RAPGEF2: variants seen among roughly 807,000 people sequenced by gnomAD.
The protein encoded by RAPGEF2 is PDZ domain containing guanine nucleotide exchange factor (GEF) 1.
A neutral mutation model predicts 186.7 loss-of-function variants in RAPGEF2; 54 were observed. The ratio of observed to expected loss-of-function variants is 0.29; its 90% CI spans 0.23 to 0.36. RAPGEF2 has a LOEUF of 0.36. RAPGEF2 is among the 10% of genes least tolerant of loss of function. The pLI is 1.00. For missense variants in RAPGEF2, 1,532 were observed against 2,045.0 expected (o/e 0.75, Z 4.84); for synonymous variants, 712 against 705.9 (o/e 1.01, Z -0.14).
rs752004301 is a variant in RAPGEF2 at position 159,358,168 on chromosome 4, G to A, written c.*29G>A. On this transcript the variant is annotated 3_prime_UTR_variant, in exon 30 of 30. Transcript: ENST00000691494. ...ACAGACTTTTCTGGAAGCAGAGCGA[G>A]CCACCTGAAAGGAGAGCACAAGAAG... 3.0e-5 allele frequency: 49 copies of A among 1,607,722 alleles called. No individual in the cohort carries two copies. The highest frequency in any genetic ancestry group is 4.0e-5 in the Non-Finnish European group (47 of 1,176,280).
chr4:159,350,423 G>A, intron 26 of RAPGEF2, 134 bp downstream of exon 26: 2 of 693,430 alleles, frequency 2.9e-6, no homozygotes. Flanking sequence ...ATGCCCAATG[G>A]ATTTTTTTTC....
intron 7 of RAPGEF2, among the ~76,000 whole-genome samples, chr4:159,302,524 T>A (rs2111039712): frequency 1.3e-5 from 2 of 152,170 alleles, no homozygotes; most frequent in African/African-American, 4.8e-5. Context: ...GAAGTGTAGC[T>A]AAGACGATGA....
intron 25 of RAPGEF2, among the ~76,000 whole-genome samples, chr4:159,348,242 A>AGATAGATAGATAGATAGATAGATG (rs544061786): frequency 9.4e-4 from 136 of 145,062 alleles, no homozygotes; most frequent in African/African-American, 3.3e-3. Context: ...ATAGATAGAT[A>AGATAGATAGATAGATAGATAGATG]GATGGATGGA....
intron 3 of RAPGEF2, among the ~76,000 whole-genome samples, chr4:159,201,937 C>T (rs1449197434): frequency 1.3e-5 from 2 of 152,118 alleles, no homozygotes; most frequent in Admixed American, 1.3e-4. Flanking sequence ...ATTCCTGTCT[C>T]CTTTTCTCCA....
At chr4:159,328,543 C>T (rs1179518953) in intron 11 of RAPGEF2, 1 of 152,146 alleles carries the variant, frequency 6.6e-6, no homozygotes, top group Non-Finnish European at 1.5e-5. Context: ...TGAACTGCTG[C>T]TTCTACTTAA....
rs111985775 is a variant in RAPGEF2 at position 159,245,834 on chromosome 4, C to T, written c.543+2043C>T. ...GAAAACTGTACAGAGAAATATTAGA[C>T]TAAAGATTGAAGAAAACTTGGCCAA... On this transcript the variant is annotated intron_variant, in intron 7 of 29. Transcript: ENST00000691494. Among the ~76,000 whole-genome samples the T allele has an allele frequency of 3.2e-3, 479 of 152,062 alleles. 2 individuals are homozygous for T. The highest frequency in any genetic ancestry group is 0.01 in the African/African-American group (431 of 41,460).
intron 3 of RAPGEF2, among the ~76,000 whole-genome samples, chr4:159,198,129 T>G (rs1207684182): frequency 6.6e-6 from 1 of 152,192 alleles, no homozygotes; most frequent in Admixed American, 6.6e-5. Context: ...AGTAAATTGT[T>G]TGAAAATTAT....
In RAPGEF2 at chr4:159,104,527, G is replaced by GAGAGAGAGAGAGAGAGACA; in HGVS notation, c.69+296_69+297insAGAGAGAGAGAGAGAGACA. ...GAGAGAGAGAGAGAGAGAGAGAGAGGGAGAGACAGAGAGAGAGAGAGAGAG... is the reference window on the plus strand; with the variant it reads ...GAGAGAGAGAGAGAGAGAGAGAGAGGAGAGAGAGAGAGAGAGACAGAGAGACAGAGAGAGAGAGAGAGAG... On this transcript the variant is annotated intron_variant, in intron 1 of 29. Coordinates refer to ENST00000691494, the MANE Select transcript of RAPGEF2 (RefSeq NM_001394067.2). 2.3e-5 allele frequency among the ~76,000 whole-genome samples: 2 copies of GAGAGAGAGAGAGAGAGACA among 88,502 alleles called. 1 individual carries two copies. The highest frequency in any genetic ancestry group is 7.8e-4 in the South Asian group (2 of 2,554). The allele number at this position is 88,502 out of a possible 152,430, so 58.1% of individuals were successfully genotyped here.
intron 6 of RAPGEF2, among the ~76,000 whole-genome samples, chr4:159,241,870 A>G (rs894385534): frequency 1.2e-4 from 18 of 152,124 alleles, no homozygotes; most frequent in African/African-American, 4.3e-4. Flanking sequence ...TATTTTTCAT[A>G]GCTTTTTATA....
chr4:159,164,352 G>A (rs1389294708), intron 1 of RAPGEF2, among the ~76,000 whole-genome samples: 2 of 151,472 alleles, frequency 1.3e-5, no homozygotes, highest in East Asian at 1.9e-4. Context: ...GGAGAGACAG[G>A]AAGGAGAAGG....
At chr4:159,210,605 A>G (rs1462880377) in intron 4 of RAPGEF2, 22 bp downstream of exon 4, 18 of 1,463,022 alleles carry the variant, frequency 1.2e-5, no homozygotes, top group Non-Finnish European at 1.6e-5. Context: ...ACATTCTGTA[A>G]TAGATTATCC....
intron 3 of RAPGEF2, among the ~76,000 whole-genome samples, chr4:159,209,156 T>A (rs1467288961): frequency 7.6e-6 from 1 of 131,618 alleles, no homozygotes; most frequent in Non-Finnish European, 1.5e-5. Context: ...CCTCCCAAAG[T>A]GCTGAGATTA....
chr4:159,222,169 T>G (rs2111406580), intron 4 of RAPGEF2, among the ~76,000 whole-genome samples: 1 of 152,308 alleles, frequency 6.6e-6, no homozygotes, highest in East Asian at 1.9e-4. Flanking sequence ...AGAGCAAAGC[T>G]GTTCTCTAGA....
intron 1 of RAPGEF2, among the ~76,000 whole-genome samples, chr4:159,144,308 CTTAG>C (rs1742667455): frequency 6.6e-6 from 1 of 152,146 alleles, no homozygotes; most frequent in Admixed American, 6.5e-5. Context: ...GTTCATTTAT[CTTAG>C]TTGGTGGATA....
chr4:159,344,375 AGGG>A (rs1453552742), intron 23 of RAPGEF2, among the ~76,000 whole-genome samples: 2 of 152,194 alleles, frequency 1.3e-5, no homozygotes, highest in Non-Finnish European at 2.9e-5. Flanking sequence ...AGCTCAAAGT[AGGG>A]GGAGGGGAGG....
Position 159,157,240 on chromosome 4 carries a change from C to G in RAPGEF2, c.70-29402C>G, listed in dbSNP as rs1744225812. On this transcript the variant is annotated intron_variant, in intron 1 of 29. Transcript: ENST00000691494. ...ATGAAGTTAGGACTGCAGCTTTGCC[C>G]CTTGAAAGGATCTTAGGTGGTTATA... Among the ~76,000 whole-genome samples, 6 of 152,050 alleles carry G rather than the reference C, an allele frequency of 3.9e-5. No homozygotes were observed. The South Asian group carries it at 1.2e-3, about 32-fold the overall frequency.
intron 7 of RAPGEF2, among the ~76,000 whole-genome samples, chr4:159,299,447 CAG>C (rs1274558244): frequency 7.0e-6 from 1 of 142,098 alleles, no homozygotes; most frequent in African/African-American, 2.6e-5. Context: ...AAAAAAAAGA[CAG>C]AGAGAATAAG....
rs547588809 is a variant in RAPGEF2 at position 159,295,701 on chromosome 4, A to AAG, written c.544-8630_544-8629dup. Among the ~76,000 whole-genome samples the AAG allele has an allele frequency of 1.9e-4, 27 of 145,562 alleles. No homozygotes were observed. In the East Asian group the frequency reaches 2.8e-3, roughly 15 times the overall value. ...AGTGATAGAATTAGTTGACTAGCAT[A>AAG]AGAGAGAGAGAGTGTGTGAGTGTGT... On this transcript the variant is annotated intron_variant, in intron 7 of 29. Coordinates refer to ENST00000691494, the MANE Select transcript of RAPGEF2 (RefSeq NM_001394067.2).
chr4:159,130,891 G>A (rs1193248290), intron 1 of RAPGEF2, among the ~76,000 whole-genome samples: 16 of 151,996 alleles, frequency 1.1e-4, no homozygotes, highest in Admixed American at 1.0e-3. Context: ...TGTATTTTTT[G>A]TAGAGACGGG....
Sources: allele counts gnomAD v4.1 joint callset (sites outside exome capture counted in the v4.1 genomes callset), GRCh38; gene constraint gnomAD v4.1.1; transcripts MANE v1.5; gene names NCBI Gene and HGNC (gene_info 2026-07-23, HGNC 2026-07-21).